Variants in ITGBL1 observed in about 807,000 individuals in gnomAD.
ITGBL1 encodes the protein integrin beta-like protein 1.
A neutral mutation model predicts 68.5 loss-of-function variants in ITGBL1; 51 were observed. The ratio of observed to expected loss-of-function variants is 0.74; its 90% CI spans 0.59 to 0.94. The LOEUF is 0.94. Among genes scored for constraint, ITGBL1 ranks in the 40% least tolerant of loss-of-function variants. The pLI is 0.00. For synonymous variants in ITGBL1, 209 were observed against 227.3 expected, an observed-to-expected ratio of 0.92 and a Z score of 0.72; for missense variants, 649 against 647.4, an observed-to-expected ratio of 1.00 and a Z score of -0.03.
intron 2 of ITGBL1, among the ~76,000 whole-genome samples, chr13:101,545,907 C>G (rs1322872433): frequency 6.6e-6 from 1 of 152,084 alleles, no homozygotes; most frequent in Admixed American, 6.6e-5. Flanking sequence ...CCTAGTATGA[C>G]AACTACTGAA....
At chr13:101,559,630 A>G (rs1423077512) in intron 2 of ITGBL1, among the ~76,000 whole-genome samples, 1 of 152,200 alleles carries the variant, frequency 6.6e-6, no homozygotes, top group Non-Finnish European at 1.5e-5. Context: ...TTTCAAGTCC[A>G]TTGCTAAATT....
At chr13:101,526,263 G>A (rs895374799) in intron 2 of ITGBL1, among the ~76,000 whole-genome samples, 2 of 150,782 alleles carry the variant, frequency 1.3e-5, no homozygotes, top group Non-Finnish European at 1.5e-5. Context: ...CCATCAACCC[G>A]TCATCTACAT....
intron 7 of ITGBL1, among the ~76,000 whole-genome samples, chr13:101,638,434 TA>T (rs56780940): frequency 0.68 from 101,604 of 148,852 alleles, 34,295 homozygotes; most frequent in East Asian, 0.75. Context: ...TCTTAAAAAA[TA>T]AAAAAAAAAA....
At chr13:101,684,180 C>A (rs544474102) in intron 7 of ITGBL1, among the ~76,000 whole-genome samples, 1 of 152,066 alleles carries the variant, frequency 6.6e-6, no homozygotes, top group South Asian at 2.1e-4. Flanking sequence ...TTTGTATATG[C>A]AAGGAATTGT....
chr13:101,560,299 A>G (rs2050078576), intron 2 of ITGBL1, among the ~76,000 whole-genome samples: 1 of 152,232 alleles, frequency 6.6e-6, no homozygotes, highest in South Asian at 2.1e-4. Flanking sequence ...ATAGGACACA[A>G]AACAGGTTTT....
rs867452339 is a variant in ITGBL1 at position 101,652,848 on chromosome 13, A to G, written c.1016-39737A>G. On this transcript the variant is annotated intron_variant, in intron 7 of 10. Transcript: ENST00000376180. Reference sequence around the variant, plus strand: ...TGTGGTGGCTCGTGCCTGTAATCCCAGCACTTTGGGAGGCCGAGGCGGGCA... The same window carrying G: ...TGTGGTGGCTCGTGCCTGTAATCCCGGCACTTTGGGAGGCCGAGGCGGGCA... Among the ~76,000 whole-genome samples, 70 of 152,274 alleles carry G rather than the reference A, an allele frequency of 4.6e-4. No individual in the cohort carries two copies. In the Middle Eastern group the frequency reaches 0.014, roughly 30 times the overall value.
intron 2 of ITGBL1, among the ~76,000 whole-genome samples, chr13:101,477,910 T>G (rs1326182626): frequency 2.6e-5 from 4 of 151,950 alleles, no homozygotes; most frequent in Non-Finnish European, 4.4e-5. Context: ...ACAAAACATT[T>G]AAAGAAATAA....
At chr13:101,651,082 A>G (rs2032735848) in intron 7 of ITGBL1, among the ~76,000 whole-genome samples, 1 of 152,156 alleles carries the variant, frequency 6.6e-6, no homozygotes, top group Admixed American at 6.5e-5. Context: ...CGTCTTTGCT[A>G]TTGTGAATAG....
intron 2 of ITGBL1, among the ~76,000 whole-genome samples, chr13:101,534,561 A>T (rs1334520122): frequency 6.6e-6 from 1 of 152,198 alleles, no homozygotes; most frequent in Admixed American, 6.5e-5. Context: ...GGGTCAGTGC[A>T]GAGGTTGGAC....
chr13:101,671,603 T>G (rs1474790427), intron 7 of ITGBL1, among the ~76,000 whole-genome samples: 5 of 150,862 alleles, frequency 3.3e-5, no homozygotes, highest in Non-Finnish European at 5.9e-5. Context: ...CACGCCCGGC[T>G]AATTTTTTGT....
intron 7 of ITGBL1, among the ~76,000 whole-genome samples, chr13:101,606,473 TA>T (rs1486257559): frequency 6.6e-6 from 1 of 151,886 alleles, no homozygotes; most frequent in Non-Finnish European, 1.5e-5. Context: ...ACACTTTCTC[TA>T]GTCTCCTAGT....
At chr13:101,580,280 C>T (rs2050433418) in intron 5 of ITGBL1, among the ~76,000 whole-genome samples, 1 of 152,022 alleles carries the variant, frequency 6.6e-6, no homozygotes, top group South Asian at 2.1e-4. Context: ...CGTAGCATAC[C>T]ACCTGTCAGA....
intron 7 of ITGBL1, among the ~76,000 whole-genome samples, chr13:101,685,844 G>A (rs2033742083): frequency 6.6e-6 from 1 of 152,086 alleles, no homozygotes; most frequent in African/African-American, 2.4e-5. Context: ...TGAGAATCCA[G>A]TAATATAGCC....
At chr13:101,496,604 T>C (rs2048861018) in intron 2 of ITGBL1, among the ~76,000 whole-genome samples, 2 of 152,202 alleles carry the variant, frequency 1.3e-5, no homozygotes, top group East Asian at 3.9e-4. Context: ...AAAATATTGA[T>C]AATCAGTATC....
chr13:101,586,767 C>T (rs984992344), intron 6 of ITGBL1, among the ~76,000 whole-genome samples: 3 of 152,142 alleles, frequency 2.0e-5, no homozygotes, highest in African/African-American at 7.2e-5. Context: ...CTCTGAACAT[C>T]ATTACAATCT....
At chr13:101,653,174 GAAGAA>G (rs1316167430) in intron 7 of ITGBL1, among the ~76,000 whole-genome samples, 2 of 150,646 alleles carry the variant, frequency 1.3e-5, no homozygotes, top group Non-Finnish European at 3.0e-5. Context: ...ACAAAGAAGA[GAAGAA>G]GAGGAGGAGG....
chr13:101,623,385 G>A (rs1013464832), intron 7 of ITGBL1, among the ~76,000 whole-genome samples: 1 of 151,992 alleles, frequency 6.6e-6, no homozygotes, highest in Non-Finnish European at 1.5e-5. Context: ...ATAAAATCAA[G>A]TTTCATATCT....
intron 2 of ITGBL1, among the ~76,000 whole-genome samples, chr13:101,546,344 G>A (rs1594881735): frequency 6.6e-6 from 1 of 152,190 alleles, no homozygotes; most frequent in South Asian, 2.1e-4. Context: ...ACGATAGGTA[G>A]GGTTTATATG....
intron 7 of ITGBL1, among the ~76,000 whole-genome samples, chr13:101,614,077 G>C (rs1349543972): frequency 6.6e-6 from 1 of 151,864 alleles, no homozygotes; most frequent in African/African-American, 2.4e-5. Flanking sequence ...GTCGGGTAGG[G>C]GTGTAGAGAG....
Sources: allele counts gnomAD v4.1 joint callset (sites outside exome capture counted in the v4.1 genomes callset), GRCh38; gene constraint gnomAD v4.1.1; transcripts MANE v1.5; gene names NCBI Gene and HGNC (gene_info 2026-07-23, HGNC 2026-07-21).